Variants in KIAA0319L observed in about 807,000 individuals in gnomAD.
KIAA0319L encodes the protein KIAA0319 like, also known as dyslexia-associated protein KIAA0319-like protein.
A neutral mutation model predicts 120.1 loss-of-function variants in KIAA0319L; 55 were observed. That is an observed-to-expected ratio of 0.46 (90% CI 0.37 to 0.57). KIAA0319L has a LOEUF of 0.57. Among genes scored for constraint, KIAA0319L ranks in the 20% least tolerant of loss-of-function variants. The pLI, the probability that KIAA0319L is intolerant of heterozygous loss-of-function variation, is 0.00. For missense variants in KIAA0319L, 1,049 were observed against 1,255.3 expected, an observed-to-expected ratio of 0.84 and a Z score of 2.48; for synonymous variants, 398 against 471.9, an observed-to-expected ratio of 0.84 and a Z score of 2.03.
rs1402646145 is a variant in KIAA0319L at position 35,460,505 on chromosome 1, A to G, written c.1295-68T>C. The G allele has an allele frequency of 1.0e-5, 14 of 1,394,194 alleles. No homozygotes were observed. In the East Asian group the frequency reaches 3.0e-4, roughly 30 times the overall value. The allele number at this position is 1,394,194 out of a possible 1,614,324, so 86.4% of individuals were successfully genotyped here. ...GTCTTAGCACTTATCCAGTTTACACAAACCAGGACAACTACCCAGAGATTT... is the reference window on the plus strand; with the variant it reads ...GTCTTAGCACTTATCCAGTTTACACGAACCAGGACAACTACCCAGAGATTT... On this transcript the variant is annotated intron_variant, in intron 8 of 20. Coordinates refer to ENST00000325722, the MANE Select transcript of KIAA0319L (RefSeq NM_024874.5).
chr1:35,441,137 G>C lies in KIAA0319L; in HGVS notation c.2872C>G (p.Gln958Glu). The C allele has an allele frequency of 1.2e-6, 2 of 1,613,760 alleles. No homozygotes were observed. Residue 958 changes from glutamine (Q) to glutamate (E), a missense_variant and splice_region_variant, in exon 20 of 21, where the codon CAA (glutamine) becomes GAA (glutamate). By Grantham distance (29) the Gln-to-Glu change is conservative. Transcript: ENST00000325722. ...CTTTTCCTCTTGGGTTTTCCTTTTT[G>C]CCTAAAAAACACAACCCCCACCCCT... Reference protein sequence around the residue: ...SWTVICCCKRQKGKPKRKSKY... With the variant: ...SWTVICCCKREKGKPKRKSKY...
chr1:35,506,613 T>C lies in KIAA0319L; in HGVS notation c.665A>G (p.Glu222Gly). The change falls in exon 3 of 21, where the codon GAG becomes GGG. Residue 222 changes from glutamate to glycine, a missense_variant and splice_region_variant. Glu to Gly is a moderately conservative substitution (Grantham distance 98). Coordinates refer to ENST00000325722, the MANE Select transcript of KIAA0319L (RefSeq NM_024874.5). This position sits in a 1 kb window ranked among gnomAD's most constrained non-coding sequence, Gnocchi z 4.0. Reference protein sequence around the residue: ...LGGLTTSGSAEVHKAITISSP... With the variant: ...LGGLTTSGSAGVHKAITISSP... ...GCTCCTTATTCATAGCATGCTTACC[T>C]CTGCAGAGCCACTGGTAGTCAGACC... is the stretch of plus-strand genomic sequence containing the variant. The C allele has an allele frequency of 6.2e-7, 1 of 1,610,198 alleles. No individual in the cohort carries two copies. The highest frequency in any genetic ancestry group is 1.7e-4 in the Middle Eastern group (1 of 6,036).
intron 2 of KIAA0319L, among the ~76,000 whole-genome samples, chr1:35,530,050 T>C (rs1646303562): frequency 6.6e-6 from 1 of 152,064 alleles, no homozygotes; most frequent in Admixed American, 6.5e-5. Flanking sequence ...GAAATTATTT[T>C]TTTTGGAGAC....
intron 12 of KIAA0319L, among the ~76,000 whole-genome samples, chr1:35,452,869 A>C (rs748102745): frequency 4.6e-5 from 7 of 152,204 alleles, no homozygotes; most frequent in Non-Finnish European, 1.0e-4. Flanking sequence ...ACAATACAAA[A>C]AAAAACCCAG....
intron 16 of KIAA0319L, among the ~76,000 whole-genome samples, chr1:35,446,551 T>C (rs761357028): frequency 6.6e-6 from 1 of 152,208 alleles, no homozygotes; most frequent in South Asian, 2.1e-4. Context: ...ACTGATCTAC[T>C]AATCACAAAC....
chr1:35,451,558 CA>C, intron 13 of KIAA0319L, 69 bp downstream of exon 13: 3 of 1,475,098 alleles, frequency 2.0e-6, no homozygotes, highest in Non-Finnish European at 9.4e-7. Flanking sequence ...TGCAGGCAAA[CA>C]TGACAGGATA....
chr1:35,489,670 GTTTT>G (rs774142930), intron 3 of KIAA0319L, among the ~76,000 whole-genome samples: 1 of 142,584 alleles, frequency 7.0e-6, no homozygotes, highest in Non-Finnish European at 1.5e-5. Context: ...GTTTCTTTGG[GTTTT>G]TTTTTTTTTT....
In KIAA0319L at chr1:35,451,702, T is replaced by A; in HGVS notation, c.1988A>T (p.Tyr663Phe). 6.2e-7 allele frequency: 1 copy of A among 1,614,120 alleles called. No individual in the cohort carries two copies. The highest frequency in any genetic ancestry group is 8.5e-7 in the Non-Finnish European group (1 of 1,179,992). ...ATVTGLQVGTYVFTLTVKDER... is the reference protein window; with the variant it reads ...ATVTGLQVGTFVFTLTVKDER... ...ATCTTTGACAGTCAAGGTGAACACA[T>A]AGGTCCCCACTTGCAGCCCAGTCAC... Residue 663 changes from tyrosine (Y) to phenylalanine (F), a missense_variant, in exon 13 of 21, where the codon TAT becomes TTT. Coordinates refer to ENST00000325722, the MANE Select transcript of KIAA0319L (RefSeq NM_024874.5).
At chr1:35,499,020 A>T (rs1426159108) in intron 3 of KIAA0319L, among the ~76,000 whole-genome samples, 1 of 152,200 alleles carries the variant, frequency 6.6e-6, no homozygotes, top group East Asian at 1.9e-4. Context: ...ACTGGAGAAT[A>T]TGGCAGGGTT....
intron 5 of KIAA0319L, among the ~76,000 whole-genome samples, chr1:35,471,209 C>G (rs1643602237): frequency 6.6e-6 from 1 of 152,194 alleles, no homozygotes; most frequent in Admixed American, 6.5e-5. Flanking sequence ...TACCGACCCT[C>G]TCAGGGCCAA....
upstream of KIAA0319L, chr1:35,557,537 T>A (rs1414811310): frequency 1.0e-5 from 4 of 386,228 alleles, no homozygotes; most frequent in Non-Finnish European, 2.1e-5. Context: ...GCTGGGCGGG[T>A]AAAACTACGC....
At chr1:35,470,537 A>G (rs1364278931) in intron 6 of KIAA0319L, among the ~76,000 whole-genome samples, 3 of 150,852 alleles carry the variant, frequency 2.0e-5, no homozygotes, top group African/African-American at 7.3e-5. Flanking sequence ...ACTGAATCCC[A>G]CAAAGGCTGA....
At chr1:35,477,908 C>G (rs1052334036) in intron 4 of KIAA0319L, among the ~76,000 whole-genome samples, 1 of 152,016 alleles carries the variant, frequency 6.6e-6, no homozygotes, top group Non-Finnish European at 1.5e-5. Flanking sequence ...TGGGTCTATA[C>G]CCAAAAGAAA....
chr1:35,542,670 A>T (rs1031405177), intron 2 of KIAA0319L, among the ~76,000 whole-genome samples: 1 of 152,224 alleles, frequency 6.6e-6, no homozygotes, highest in Non-Finnish European at 1.5e-5. Context: ...TTAAAAAAAT[A>T]AAAAAGTGTC....
At chr1:35,478,446 G>C (rs1159943372) in intron 4 of KIAA0319L, among the ~76,000 whole-genome samples, 1 of 152,064 alleles carries the variant, frequency 6.6e-6, no homozygotes, top group Non-Finnish European at 1.5e-5. Flanking sequence ...AAAGGATAAA[G>C]GCTTGAAGGG....
chr1:35,555,114 G>A (rs976646718), intron 1 of KIAA0319L: 5 of 152,042 alleles, frequency 3.3e-5, no homozygotes, highest in African/African-American at 4.8e-5. Flanking sequence ...AGATACTTAC[G>A]TCAGGCACTA....
intron 16 of KIAA0319L, among the ~76,000 whole-genome samples, chr1:35,447,828 C>G (rs747438490): frequency 2.6e-5 from 4 of 152,092 alleles, no homozygotes; most frequent in Non-Finnish European, 5.9e-5. Flanking sequence ...TTACTCCTAC[C>G]CCAACTCTCC....
intron 9 of KIAA0319L, 90 bp downstream of exon 9, chr1:35,460,215 T>C (rs1642792455): frequency 9.5e-7 from 1 of 1,056,894 alleles, no homozygotes; most frequent in Admixed American, 2.2e-5. Flanking sequence ...GTGAATTTGA[T>C]ATTTGTCAAA....
chr1:35,518,531 C>A (rs1320722327), intron 2 of KIAA0319L, among the ~76,000 whole-genome samples: 1 of 151,978 alleles, frequency 6.6e-6, no homozygotes, highest in Non-Finnish European at 1.5e-5. Context: ...AAGAAGGGAA[C>A]AACAGACACT....
Sources: allele counts gnomAD v4.1 joint callset (sites outside exome capture counted in the v4.1 genomes callset), GRCh38; gene constraint gnomAD v4.1.1; non-coding constraint Gnocchi (gnomAD v3.1); transcripts MANE v1.5; gene names NCBI Gene and HGNC (gene_info 2026-07-23, HGNC 2026-07-21).